Variants in UPF2 observed in about 807,000 individuals in gnomAD.
UPF2 encodes the protein regulator of nonsense transcripts 2.
A neutral mutation model predicts 141.4 loss-of-function variants in UPF2; 17 were observed. That is an observed-to-expected ratio of 0.12 (90% confidence interval 0.08 to 0.18). UPF2 has a LOEUF of 0.18. Ranked by LOEUF, UPF2 falls within the 10% of genes least tolerant of loss-of-function variation. The probability of loss-of-function intolerance (pLI) is 1.00; values close to 1 mark genes in which losing one functional copy is unlikely to be tolerated. For synonymous variants in UPF2, 540 were observed against 498.0 expected, an observed-to-expected ratio of 1.08 and a Z score of -1.12; for missense variants, 1,152 against 1,515.9, an observed-to-expected ratio of 0.76 and a Z score of 3.99.
rs114530631 is a variant in UPF2, at chr10:12,000,448, C to G, written c.1655-439G>C. ...CTGCAGTAAGATAGGGTAAAGCCAA[C>G]AGAGAGAAAAGCAATATTGACAGAA... On this transcript the variant is annotated intron_variant, in intron 6 of 21. Coordinates refer to ENST00000357604, the MANE Select transcript of UPF2 (RefSeq NM_015542.4). Among the ~76,000 whole-genome samples, 634 of 152,174 alleles carry G rather than the reference C, an allele frequency of 4.2e-3. 1 individual carries two copies. The highest frequency in any genetic ancestry group is 0.014 in the African/African-American group (593 of 41,500).
chr10:11,925,979 T>C (rs1481114124), intron 21 of UPF2, among the ~76,000 whole-genome samples: 1 of 151,998 alleles, frequency 6.6e-6, no homozygotes, highest in Non-Finnish European at 1.5e-5. Context: ...GAACACTGGG[T>C]CTATAGCGGG....
At position 11,931,907 on chromosome 10, in the gene UPF2, T is replaced by C. The variant is rs1832785867; in HGVS notation, c.3547-125A>G. On this transcript the variant is annotated intron_variant, in intron 19 of 21. Transcript: ENST00000357604. The surrounding 1 kb of genome is among the most constrained non-coding windows in gnomAD (Gnocchi z 5.9). ...GGCTCACGCCTGTAATCCCAGCACT[T>C]TGGGAGGCCGAGGCGGGCGGATCAC... The C allele has an allele frequency of 7.7e-6, 8 of 1,042,394 alleles. No individual in the cohort carries two copies. In the South Asian group the frequency reaches 1.3e-4, roughly 17 times the overall value. 64.6% of individuals were successfully genotyped at this position (1,042,394 alleles called of 1,614,324 possible). A position where few individuals can be genotyped will look rare whatever the true frequency, so the allele number is the denominator to read the frequency against.
intron 8 of UPF2, among the ~76,000 whole-genome samples, chr10:11,985,876 G>T (rs2131239966): frequency 2.4e-5 from 2 of 82,712 alleles, no homozygotes; most frequent in East Asian, 5.3e-4. Context: ...AAAATAATTA[G>T]ATCCTTCCTT....
intron 10 of UPF2, among the ~76,000 whole-genome samples, chr10:11,966,801 A>C (rs1833328902): frequency 6.6e-6 from 1 of 152,204 alleles, no homozygotes; most frequent in African/African-American, 2.4e-5. Context: ...AAGACTGTGA[A>C]CTCACCGGTA....
chr10:11,946,624 C>T (rs926199520), intron 16 of UPF2, among the ~76,000 whole-genome samples: 89 of 152,150 alleles, frequency 5.8e-4, no homozygotes, highest in African/African-American at 2.1e-3. Context: ...GTATTCTATT[C>T]GTATCTTTAC....
chr10:11,984,198 G>A (rs58213438), intron 8 of UPF2, among the ~76,000 whole-genome samples: 2,109 of 152,302 alleles, frequency 0.014, 47 homozygotes, highest in African/African-American at 0.048. Context: ...TGGGATTACA[G>A]GCGTGAGCCA....
At position 11,931,932 on chromosome 10, in the gene UPF2, C is replaced by T. The variant is rs1832786434; in HGVS notation, c.3547-150G>A. On this transcript the variant is annotated intron_variant, in intron 19 of 21. Transcript: ENST00000357604. The surrounding 1 kb of genome is among the most constrained non-coding windows in gnomAD (Gnocchi z 5.9). ...TTGGGAGGCCGAGGCGGGCGGATCA[C>T]GAGGTCAAGAGATCAAGACCATCCA... 5.3e-6 allele frequency: 4 copies of T among 755,872 alleles called. No homozygotes were observed. Among genetic ancestry groups the T allele is most frequent in the South Asian group, 2.2e-5 (1 of 45,754 alleles). The allele number at this position is 755,872 out of a possible 1,614,324, so 46.8% of individuals were successfully genotyped here. A position where few individuals can be genotyped will look rare whatever the true frequency, so the allele number is the denominator to read the frequency against.
rs1275841135 is a variant in UPF2 at position 11,943,044 on chromosome 10, A to C, written c.3279+20T>G. The C allele has an allele frequency of 1.3e-6, 2 of 1,569,196 alleles. No individual in the cohort carries two copies. The highest frequency in any genetic ancestry group is 2.7e-5 in the African/African-American group (2 of 73,866). ...AAATGCTGCACAATTTCAAAAAGTA[A>C]ATTTTTCAGCCATACGTACAGTATT... On this transcript the variant is annotated intron_variant, in intron 17 of 21. Transcript: ENST00000357604.
intron 8 of UPF2, among the ~76,000 whole-genome samples, chr10:11,987,668 G>A (rs532150161): frequency 1.8e-4 from 27 of 149,836 alleles, no homozygotes; most frequent in Middle Eastern, 3.5e-3. Flanking sequence ...AGGCTGAGGC[G>A]GGAGAATCAC....
chr10:11,985,785 T>A (rs2131239786), intron 8 of UPF2, among the ~76,000 whole-genome samples: 1 of 151,616 alleles, frequency 6.6e-6, no homozygotes, highest in East Asian at 1.9e-4. Flanking sequence ...CAAAATAAAA[T>A]ATTTTCATCA....
intron 2 of UPF2, among the ~76,000 whole-genome samples, chr10:12,030,189 T>C (rs550301516): frequency 1.3e-5 from 2 of 151,892 alleles, no homozygotes; most frequent in South Asian, 2.1e-4. Flanking sequence ...GGATGTAAAA[T>C]GTGAAACAAA....
chr10:11,924,227 G>C (rs1247629572), intron 21 of UPF2, among the ~76,000 whole-genome samples: 1 of 152,146 alleles, frequency 6.6e-6, no homozygotes, highest in Non-Finnish European at 1.5e-5. Context: ...GGATCTCCTG[G>C]TTAGAAAATA....
At chr10:11,924,271 A>G (rs1832683325) in intron 21 of UPF2, among the ~76,000 whole-genome samples, 1 of 152,216 alleles carries the variant, frequency 6.6e-6, no homozygotes, top group Non-Finnish European at 1.5e-5. Context: ...GAGTCCATCA[A>G]AAGCTACAGG....
At chr10:11,994,075 G>A (rs1289922811) in intron 8 of UPF2, among the ~76,000 whole-genome samples, 1 of 151,726 alleles carries the variant, frequency 6.6e-6, no homozygotes, top group Non-Finnish European at 1.5e-5. Flanking sequence ...CAAAATAAAT[G>A]GAAGAAACCC....
intron 10 of UPF2, among the ~76,000 whole-genome samples, chr10:11,965,136 G>A (rs1046775325): frequency 1.3e-5 from 2 of 152,020 alleles, no homozygotes; most frequent in African/African-American, 2.4e-5. Flanking sequence ...TAAAAATGGT[G>A]GGACATACAT....
chr10:12,028,630 A>G, intron 3 of UPF2, 115 bp downstream of exon 3: 1 of 1,051,028 alleles, frequency 9.5e-7, no homozygotes, highest in South Asian at 1.9e-5. Context: ...ATGTTAAGAA[A>G]TCACCTGTAA....
intron 1 of UPF2, among the ~76,000 whole-genome samples, chr10:12,041,253 G>A (rs565485227): frequency 6.6e-6 from 1 of 152,218 alleles, no homozygotes; most frequent in African/African-American, 2.4e-5. Flanking sequence ...ATTTTAAATA[G>A]GTCCTTTCTC....
chr10:12,017,054 G>A (rs1412490188), intron 3 of UPF2, among the ~76,000 whole-genome samples: 9 of 149,448 alleles, frequency 6.0e-5, no homozygotes, highest in African/African-American at 2.2e-4. Flanking sequence ...AATGTATTAA[G>A]AAAAATGTTA....
At chr10:11,978,135 C>T (rs950799955) in intron 9 of UPF2, among the ~76,000 whole-genome samples, 3 of 152,198 alleles carry the variant, frequency 2.0e-5, no homozygotes, top group Admixed American at 2.0e-4. Context: ...AACCTTGTGT[C>T]CTCAACTACA....
Sources: allele counts gnomAD v4.1 joint callset (sites outside exome capture counted in the v4.1 genomes callset), GRCh38; gene constraint gnomAD v4.1.1; non-coding constraint Gnocchi (gnomAD v3.1); transcripts MANE v1.5; gene names NCBI Gene and HGNC (gene_info 2026-07-23, HGNC 2026-07-21).